The following SPATA7 variants were observed in gnomAD, a reference collection of about 807,000 sequenced individuals.
SPATA7 encodes spermatogenesis-associated protein 7.
A neutral mutation model predicts 51.8 loss-of-function variants in SPATA7; 43 were observed. The ratio of observed to expected loss-of-function variants is 0.83; its 90% CI spans 0.65 to 1.07. The LOEUF is 1.07. Among genes scored for constraint, SPATA7 ranks in the 50% least tolerant of loss-of-function variants. The pLI, the probability that SPATA7 is intolerant of heterozygous loss-of-function variation, is 0.00. For missense variants in SPATA7, 683 were observed against 701.3 expected, an observed-to-expected ratio of 0.97 and a Z score of 0.30; for synonymous variants, 230 against 252.8, an observed-to-expected ratio of 0.91 and a Z score of 0.86.
At chr14:88,387,552 G>A (rs1041765233) in intron 1 of SPATA7, among the ~76,000 whole-genome samples, 1 of 152,054 alleles carries the variant, frequency 6.6e-6, no homozygotes, top group African/African-American at 2.4e-5. Flanking sequence ...TTATTTCAGA[G>A]CATAAAATAT....
intron 4 of SPATA7, 125 bp downstream of exon 4, chr14:88,396,328 G>C: frequency 2.9e-6 from 2 of 693,664 alleles, no homozygotes; most frequent in Non-Finnish European, 2.6e-6. Context: ...TAATATTGTG[G>C]TACAATGATA....
chr14:88,414,659 GTCT>G (rs1441199907), intron 4 of SPATA7: 3 of 402,470 alleles, frequency 7.5e-6, no homozygotes, highest in Admixed American at 3.0e-5. Context: ...AGATCTTTCT[GTCT>G]TCTTGATGTA....
At chr14:88,397,070 CAT>C (rs1021648998) in intron 4 of SPATA7, among the ~76,000 whole-genome samples, 1 of 151,988 alleles carries the variant, frequency 6.6e-6, no homozygotes, top group Non-Finnish European at 1.5e-5. Context: ...AGCCTTTTTA[CAT>C]AGAGACAGGG....
intron 4 of SPATA7, among the ~76,000 whole-genome samples, chr14:88,414,904 C>T (rs1099698): frequency 0.58 from 87,550 of 151,824 alleles, 26,619 homozygotes; most frequent in Admixed American, 0.7. Context: ...TTTTTTCCAC[C>T]GTGGTCCAAA....
intron 9 of SPATA7, among the ~76,000 whole-genome samples, chr14:88,432,106 G>A (rs2076958973): frequency 6.6e-6 from 1 of 152,012 alleles, no homozygotes; most frequent in Admixed American, 6.6e-5. Context: ...TAATAAAGAA[G>A]AGTTTTAGAG....
chr14:88,460,898 CCTTT>C (rs2077313212), intron 4 of SPATA7, among the ~76,000 whole-genome samples: 1 of 152,170 alleles, frequency 6.6e-6, no homozygotes, highest in Non-Finnish European at 1.5e-5. Context: ...ATGTGGATGT[CCTTT>C]CTGTTTGTTA....
At position 88,428,440 on chromosome 14, in the gene SPATA7, C is replaced by G. The variant is rs541112336; in HGVS notation, c.912+744C>G. ...AGAAGGTGGTAGTTTTCCATCTCAG[C>G]TATTAATCGCTGTTTGACATAGGGC... On this transcript the variant is annotated intron_variant, in intron 7 of 11. Coordinates refer to ENST00000393545, the MANE Select transcript of SPATA7 (RefSeq NM_018418.5). 5.9e-5 allele frequency: 9 copies of G among 152,218 alleles called. No homozygotes were observed. In the East Asian group the frequency reaches 9.6e-4, roughly 16 times the overall value. The allele number at this position is 152,218 out of a possible 1,614,324, so 9.4% of individuals were successfully genotyped here.
Position 88,469,818 on chromosome 14 carries a change from A to G in SPATA7, c.255-29A>G. On this transcript the variant is annotated intron_variant, in intron 4 of 4. Transcript: ENST00000556406. The surrounding 1 kb of genome is among the most constrained non-coding windows in gnomAD (Gnocchi z 4.3). The stretch of plus-strand genomic sequence containing the variant: ...TAGACGGCACATCTGAAACAGAACC[A>G]CAACCCTACCCTGCCTTTTTCTCCA... 6.2e-7 allele frequency: 1 copy of G among 1,601,642 alleles called. No homozygotes were observed. Among genetic ancestry groups the G allele is most frequent in the South Asian group, 1.1e-5 (1 of 90,744 alleles).
intron 11 of SPATA7, 52 bp downstream of exon 11, chr14:88,437,649 G>A: frequency 6.8e-7 from 1 of 1,477,484 alleles, no homozygotes; most frequent in Non-Finnish European, 9.4e-7. Context: ...AAAAATAATT[G>A]TATGGTTTTT....
chr14:88,391,523 T>C (rs958309644), intron 2 of SPATA7, 68 bp downstream of exon 2: 1 of 1,276,420 alleles, frequency 7.8e-7, no homozygotes. Flanking sequence ...ACTGGCAAAT[T>C]ATATGACATG....
intron 3 of SPATA7, among the ~76,000 whole-genome samples, chr14:88,443,898 G>C (rs1247686166): frequency 6.6e-6 from 1 of 152,122 alleles, no homozygotes; most frequent in Non-Finnish European, 1.5e-5. Context: ...GGACATTTGG[G>C]TTGGTTCCAA....
In SPATA7 at chr14:88,426,692, A is replaced by G. The variant is rs1228576731; in HGVS notation, c.833A>G (p.Gln278Arg). The stretch of plus-strand genomic sequence containing the variant: ...GATCAACGGATAGAAGCTGAAACCC[A>G]GACTGAATTAAGGTATGACACATCA... ...FTDQRIEAET[Q>R]TELSFKSELG... The change falls in exon 6 of 12, where the codon CAG becomes CGG. Residue 278 changes from glutamine (Q) to arginine (R), a missense_variant. Transcript: ENST00000393545. 5.6e-6 allele frequency: 9 copies of G among 1,612,278 alleles called. No homozygotes were observed. Among genetic ancestry groups the G allele is most frequent in the Non-Finnish European group, 7.6e-6 (9 of 1,179,792 alleles).
At chr14:88,432,316 G>GT (rs1174336420) in intron 9 of SPATA7, among the ~76,000 whole-genome samples, 1 of 152,076 alleles carries the variant, frequency 6.6e-6, no homozygotes, top group Non-Finnish European at 1.5e-5. Context: ...GTTTGAAAGT[G>GT]TAACTTTTTA....
intron 3 of SPATA7, among the ~76,000 whole-genome samples, chr14:88,452,722 C>G (rs1177881951): frequency 6.6e-6 from 1 of 152,182 alleles, no homozygotes; most frequent in Non-Finnish European, 1.5e-5. Context: ...ATACCCCCTG[C>G]TGCTAGTATT....
intron 3 of SPATA7, among the ~76,000 whole-genome samples, chr14:88,447,137 C>T (rs1013469677): frequency 6.7e-6 from 1 of 149,846 alleles, no homozygotes; most frequent in Admixed American, 6.6e-5. Flanking sequence ...TTGTAGGTCA[C>T]TCAGGACTTG....
intron 5 of SPATA7, among the ~76,000 whole-genome samples, chr14:88,418,805 C>T (rs570610404): frequency 2.6e-5 from 4 of 152,172 alleles, no homozygotes; most frequent in Admixed American, 1.3e-4. Flanking sequence ...TTTATTTAAC[C>T]CAGAAATCAT....
intron 3 of SPATA7, among the ~76,000 whole-genome samples, chr14:88,395,192 C>A (rs72695815): frequency 6.6e-6 from 1 of 151,948 alleles, no homozygotes; most frequent in African/African-American, 2.4e-5. Context: ...TCTTAAAAAC[C>A]GTGGTATAGT....
chr14:88,437,535 A>G lies in SPATA7; in HGVS notation c.1161-8A>G, dbSNP rs930162479. On this transcript the variant is annotated splice_polypyrimidine_tract_variant and splice_region_variant and intron_variant, in intron 10 of 11. Transcript: ENST00000393545. ...TGAGACATTAACATTTTTGTTTATCATTTGTAGGTTTTTAGAACGACTGTT... is the reference window on the plus strand; with the variant it reads ...TGAGACATTAACATTTTTGTTTATCGTTTGTAGGTTTTTAGAACGACTGTT... The G allele has an allele frequency of 1.9e-6, 3 of 1,604,070 alleles. No homozygotes were observed. The highest frequency in any genetic ancestry group is 4.5e-5 in the East Asian group (2 of 44,730).
Position 88,469,182 on chromosome 14 carries a change from G to A in SPATA7, c.255-665G>A, listed in dbSNP as rs1171661839. 6 of 1,293,252 alleles carry A rather than the reference G, an allele frequency of 4.6e-6. No individual in the cohort carries two copies. Among genetic ancestry groups the A allele is most frequent in the Non-Finnish European group, 6.3e-6 (6 of 947,728 alleles). The allele number at this position is 1,293,252 out of a possible 1,614,324, so 80.1% of individuals were successfully genotyped here. On this transcript the variant is annotated intron_variant, in intron 4 of 4. Coordinates refer to the SPATA7 transcript ENST00000556406. This position sits in a 1 kb window ranked among gnomAD's most constrained non-coding sequence, Gnocchi z 4.3. ...ACTGATTAAGAGGACTGCAGATAAA[G>A]AGCACTGGGTGCCAGTGAACCAAAC...
Sources: allele counts gnomAD v4.1 joint callset (sites outside exome capture counted in the v4.1 genomes callset), GRCh38; gene constraint gnomAD v4.1.1; non-coding constraint Gnocchi (gnomAD v3.1); transcripts MANE v1.5; gene names NCBI Gene and HGNC (gene_info 2026-07-23, HGNC 2026-07-21).